The following ZNF536 variants were observed in gnomAD, a reference collection of about 807,000 sequenced individuals.
The protein encoded by ZNF536 is zinc finger protein 536.
A neutral mutation model predicts 84.5 loss-of-function variants in ZNF536; 13 were observed. The observed-to-expected ratio is 0.15, with a 90% CI of 0.10 to 0.24. The LOEUF is 0.24. Among genes scored for constraint, ZNF536 ranks in the 10% least tolerant of loss-of-function variants. The pLI is 1.00. For missense variants in ZNF536, 1,536 were observed against 1,747.5 expected, an observed-to-expected ratio of 0.88 and a Z score of 2.16; for synonymous variants, 811 against 742.5, an observed-to-expected ratio of 1.09 and a Z score of -1.50.
intron 1 of ZNF536, among the ~76,000 whole-genome samples, chr19:30,264,966 T>TGTGAGAGAGA (rs59889852): frequency 0.098 from 13,103 of 133,388 alleles, 702 homozygotes; most frequent in Admixed American, 0.12. Flanking sequence ...TGTGTGTGTG[T>TGTGAGAGAGA]GAGAGAGAGA....
Position 30,315,559 on chromosome 19 carries a change from G to A in ZNF536, c.-120+31418G>A, listed in dbSNP as rs139407253. Among the ~76,000 whole-genome samples, 563 of 152,314 alleles carry A rather than the reference G, an allele frequency of 3.7e-3. 5 individuals are homozygous for A. Among genetic ancestry groups the A allele is most frequent in the South Asian group, 0.037 (177 of 4,814 alleles). ...GAAGGATCCTTGTCTTGGTACTGGA[G>A]GAGGAGGGGCAGCCTGAAGGGTTTC... On this transcript the variant is annotated intron_variant, in intron 2 of 5. Transcript: ENST00000585628.
At chr19:30,650,701 C>G (rs1478413516) in intron 1 of ZNF536, among the ~76,000 whole-genome samples, 1 of 152,164 alleles carries the variant, frequency 6.6e-6, no homozygotes, top group African/African-American at 2.4e-5. Flanking sequence ...AAATACTGAA[C>G]TGGGTAAATC....
At chr19:30,384,106 T>C (rs1213150770) in intron 1 of ZNF536, among the ~76,000 whole-genome samples, 3 of 37,930 alleles carry the variant, frequency 7.9e-5, no homozygotes, top group Non-Finnish European at 1.5e-4. Flanking sequence ...TTCTCTTTCT[T>C]TCTTTCTTTC....
At position 30,592,756 on chromosome 19, in the gene ZNF536, G is replaced by A. The variant is rs146229112; in HGVS notation, c.169+43242G>A. On this transcript the variant is annotated intron_variant, in intron 1 of 1. Coordinates refer to the ZNF536 transcript ENST00000592773. ...ACCCCCCATTTGCCAGCAAGTTCAC[G>A]GTTATAGAAGGAAGATAAATGATCG... Among the ~76,000 whole-genome samples, 468 of 151,848 alleles carry A rather than the reference G, an allele frequency of 3.1e-3. 4 individuals carry two copies. Among genetic ancestry groups the A allele is most frequent in the African/African-American group, 0.01 (428 of 41,370 alleles).
At chr19:30,454,232 G>A (rs1241437213) in intron 2 of ZNF536, among the ~76,000 whole-genome samples, 2 of 152,232 alleles carry the variant, frequency 1.3e-5, no homozygotes, top group African/African-American at 4.8e-5. Flanking sequence ...TTTGGCCAAC[G>A]CTAGTTTCTT....
intron 1 of ZNF536, among the ~76,000 whole-genome samples, chr19:30,395,237 T>A (rs1044143547): frequency 6.6e-6 from 1 of 152,168 alleles, no homozygotes; most frequent in African/African-American, 2.4e-5. Context: ...GACTCTAAAA[T>A]CAGATAGTCT....
At chr19:30,494,737 G>T (rs901331028) in intron 2 of ZNF536, among the ~76,000 whole-genome samples, 5 of 152,044 alleles carry the variant, frequency 3.3e-5, no homozygotes, top group African/African-American at 7.3e-5. Flanking sequence ...CTTAAGGTCA[G>T]GAGTTCAAGA....
At chr19:30,621,555 C>T (rs961955223) in intron 1 of ZNF536, among the ~76,000 whole-genome samples, 3 of 152,216 alleles carry the variant, frequency 2.0e-5, no homozygotes, top group Non-Finnish European at 4.4e-5. Context: ...GAAAGCTATG[C>T]AGGGTGGCCT....
chr19:30,439,847 G>C (rs1415600492), intron 1 of ZNF536, among the ~76,000 whole-genome samples: 1 of 152,156 alleles, frequency 6.6e-6, no homozygotes, highest in Non-Finnish European at 1.5e-5. Context: ...GGGCCATCAG[G>C]GGTGGTCCAA....
At chr19:30,418,750 C>T (rs936655684) in intron 1 of ZNF536, among the ~76,000 whole-genome samples, 1 of 152,088 alleles carries the variant, frequency 6.6e-6, no homozygotes, top group Non-Finnish European at 1.5e-5. Context: ...AAACCTTCAC[C>T]TCTGGGAGTC....
intron 2 of ZNF536, among the ~76,000 whole-genome samples, chr19:30,519,114 C>T (rs1190264934): frequency 1.3e-5 from 2 of 152,254 alleles, no homozygotes; most frequent in Non-Finnish European, 2.9e-5. Context: ...AGGGCCTGGA[C>T]TCTGCAGTCT....
At chr19:30,700,240 C>CTT (rs780887483) in intron 1 of ZNF536, among the ~76,000 whole-genome samples, 1,190 of 108,152 alleles carry the variant, frequency 0.011, 17 homozygotes, top group African/African-American at 0.024. Context: ...TTCTTTCTTT[C>CTT]TCTCTCTCTC....
upstream of ZNF536, among the ~76,000 whole-genome samples, chr19:30,225,997 T>A (rs10413636): frequency 0.11 from 16,268 of 150,472 alleles, 1,361 homozygotes; most frequent in African/African-American, 0.23. Context: ...CCGGGCATCG[T>A]ATGGCGCTAG....
intron 1 of ZNF536, among the ~76,000 whole-genome samples, chr19:30,234,971 G>A (rs961128161): frequency 2.0e-5 from 3 of 152,126 alleles, no homozygotes; most frequent in South Asian, 2.1e-4. Context: ...TAGGACCCTC[G>A]GGAGGTGGTA....
chr19:30,702,699 G>A (rs2052037695), intron 1 of ZNF536, among the ~76,000 whole-genome samples: 1 of 152,172 alleles, frequency 6.6e-6, no homozygotes, highest in African/African-American at 2.4e-5. Context: ...ATGCTGCACT[G>A]ACCCAGGCTT....
intron 1 of ZNF536, among the ~76,000 whole-genome samples, chr19:30,424,751 C>T (rs2051138266): frequency 6.6e-6 from 1 of 152,194 alleles, no homozygotes; most frequent in South Asian, 2.1e-4. Context: ...TTGACACAGA[C>T]AAGGAAAGCA....
At chr19:30,700,240 C>CTTTCTTTATT (rs780887483) in intron 1 of ZNF536, among the ~76,000 whole-genome samples, 2 of 108,288 alleles carry the variant, frequency 1.8e-5, no homozygotes, top group African/African-American at 7.4e-5. Context: ...TTCTTTCTTT[C>CTTTCTTTATT]TCTCTCTCTC....
chr19:30,513,593 G>C (rs2055509836), intron 2 of ZNF536, among the ~76,000 whole-genome samples: 1 of 152,210 alleles, frequency 6.6e-6, no homozygotes, highest in African/African-American at 2.4e-5. Flanking sequence ...ATGATGAAGA[G>C]AGGAAAACAA....
At chr19:30,236,831 A>C (rs568201965) in intron 1 of ZNF536, among the ~76,000 whole-genome samples, 2 of 152,066 alleles carry the variant, frequency 1.3e-5, no homozygotes, top group Middle Eastern at 3.4e-3. Context: ...GGTGGTAGGG[A>C]TGTGTATGCC....
Sources: allele counts gnomAD v4.1 joint callset (sites outside exome capture counted in the v4.1 genomes callset), GRCh38; gene constraint gnomAD v4.1.1; transcripts MANE v1.5; gene names NCBI Gene and HGNC (gene_info 2026-07-23, HGNC 2026-07-21).